Variants in DPP4 observed in about 807,000 individuals in gnomAD.
DPP4 encodes the protein ADCP-2.
A neutral mutation model predicts 122.4 loss-of-function variants in DPP4; 93 were observed. The observed-to-expected ratio is 0.76, with a 90% CI of 0.64 to 0.90. The LOEUF (loss-of-function observed/expected upper bound fraction) is 0.90. Among genes scored for constraint, DPP4 ranks in the 40% least tolerant of loss-of-function variants. DPP4 has a pLI of 0.00. For synonymous variants in DPP4, 321 were observed against 302.9 expected (o/e 1.06, Z -0.62); for missense variants, 914 against 907.3 (o/e 1.01, Z -0.09).
At chr2:162,029,030 TAAAGA>T in intron 10 of DPP4, among the ~76,000 whole-genome samples, 1 of 152,322 alleles carries the variant, frequency 6.6e-6, no homozygotes, top group Non-Finnish European at 1.5e-5. Context: ...GTTCCTCACT[TAAAGA>T]AATCTATTCC....
At chr2:162,062,114 C>CAA (rs1045197117) in intron 2 of DPP4, among the ~76,000 whole-genome samples, 9 of 80,986 alleles carry the variant, frequency 1.1e-4, no homozygotes, top group Non-Finnish European at 1.4e-4. Context: ...ACTAAAAATA[C>CAA]AAAAAAAAAA....
intron 16 of DPP4, 34 bp downstream of exon 16, chr2:162,018,695 C>T (rs1308435751): frequency 1.9e-6 from 3 of 1,605,184 alleles, no homozygotes; most frequent in Non-Finnish European, 1.7e-6. Context: ...GTAACAGCGG[C>T]GACTGCCCTC....
intron 2 of DPP4, among the ~76,000 whole-genome samples, chr2:162,064,915 G>T (rs183514918): frequency 1.3e-5 from 2 of 152,210 alleles, no homozygotes; most frequent in South Asian, 4.1e-4. Flanking sequence ...GAGCTGGCTT[G>T]ATGTCTGTCC....
intron 2 of DPP4, among the ~76,000 whole-genome samples, chr2:162,072,162 T>G (rs951656489): frequency 2.6e-5 from 4 of 152,234 alleles, no homozygotes; most frequent in African/African-American, 9.6e-5. Flanking sequence ...TTGCAGCAAC[T>G]AACGCGGTGC....
intron 2 of DPP4, among the ~76,000 whole-genome samples, chr2:162,055,289 A>C (rs1361023952): frequency 6.6e-6 from 1 of 152,220 alleles, no homozygotes; most frequent in Non-Finnish European, 1.5e-5. Flanking sequence ...TGAAGGGAAA[A>C]TATTGGACCT....
At chr2:161,995,724 G>T (rs1486110168) in intron 23 of DPP4, among the ~76,000 whole-genome samples, 1 of 152,168 alleles carries the variant, frequency 6.6e-6, no homozygotes, top group Non-Finnish European at 1.5e-5. Context: ...TGTTCCATGG[G>T]CTTCTGCTGT....
intron 14 of DPP4, 87 bp downstream of exon 14, chr2:162,020,142 T>C (rs1683068554): frequency 9.0e-7 from 1 of 1,113,314 alleles, no homozygotes. Context: ...ACTCTTTATT[T>C]GTAGGAGATT....
chr2:162,062,277 A>G (rs1242216709), intron 2 of DPP4, among the ~76,000 whole-genome samples: 1 of 152,192 alleles, frequency 6.6e-6, no homozygotes, highest in Non-Finnish European at 1.5e-5. Flanking sequence ...GCAAGACTCC[A>G]TCTCAAAATA....
In DPP4 at chr2:162,073,491, A is replaced by C; in HGVS notation, c.7-5T>G. On this transcript the variant is annotated splice_polypyrimidine_tract_variant and splice_region_variant and intron_variant, in intron 1 of 25. Transcript: ENST00000360534. ...CAGAAGAACCTTCCACGGTGTCTGC[A>C]AGCCGAGCAGATCAAGTCCAATTAG... is the stretch of plus-strand genomic sequence containing the variant. 1.2e-6 allele frequency: 2 copies of C among 1,613,690 alleles called. No homozygotes were observed. The highest frequency in any genetic ancestry group is 1.7e-6 in the Non-Finnish European group (2 of 1,179,978).
chr2:162,007,829 T>C (rs1701321347), intron 22 of DPP4, among the ~76,000 whole-genome samples: 1 of 152,160 alleles, frequency 6.6e-6, no homozygotes, highest in African/African-American at 2.4e-5. Context: ...AGAGTCTTTT[T>C]CTCTGGGTAC....
intron 4 of DPP4, 46 bp downstream of exon 4, chr2:162,046,869 A>C (rs375674677): frequency 7.0e-6 from 9 of 1,294,320 alleles, no homozygotes; most frequent in South Asian, 1.2e-5. Flanking sequence ...TAATGAAAAA[A>C]ATCCCCAGAA....
rs1700890847 is a variant in DPP4, at chr2:161,992,550, C to T, written c.*733G>A. On this transcript the variant is annotated 3_prime_UTR_variant, in exon 26 of 26. Coordinates refer to ENST00000360534, the MANE Select transcript of DPP4 (RefSeq NM_001935.4). Reference sequence around the variant, plus strand: ...GAACATCAGTATTTTTTTTTAAAAGCACATTTACAATGCTTTCCCATCACC... The same window carrying T: ...GAACATCAGTATTTTTTTTTAAAAGTACATTTACAATGCTTTCCCATCACC... 1 of 152,488 alleles carries T rather than the reference C, an allele frequency of 6.6e-6. No homozygotes were observed. Among genetic ancestry groups the T allele is most frequent in the African/African-American group, 2.4e-5 (1 of 41,400 alleles). The allele number at this position is 152,488 out of a possible 1,614,324, so 9.4% of individuals were successfully genotyped here.
At chr2:162,053,926 A>T (rs913713121) in intron 2 of DPP4, among the ~76,000 whole-genome samples, 1 of 152,088 alleles carries the variant, frequency 6.6e-6, no homozygotes, top group African/African-American at 2.4e-5. Flanking sequence ...AGGCCCCACA[A>T]CTGTAGAGTC....
intron 2 of DPP4, among the ~76,000 whole-genome samples, chr2:162,059,030 G>A (rs1684669507): frequency 6.6e-6 from 1 of 152,212 alleles, no homozygotes. Flanking sequence ...GGCAGAATAT[G>A]TATGTCTCAG....
intron 8 of DPP4, among the ~76,000 whole-genome samples, chr2:162,037,010 G>A (rs1215251535): frequency 2.0e-5 from 3 of 152,180 alleles, no homozygotes; most frequent in African/African-American, 7.2e-5. Context: ...TTACTTGTAA[G>A]TGTAATTAGC....
chr2:162,034,937 T>C (rs1683713702), intron 9 of DPP4, among the ~76,000 whole-genome samples: 1 of 152,176 alleles, frequency 6.6e-6, no homozygotes, highest in Non-Finnish European at 1.5e-5. Flanking sequence ...TTTTTTCTGC[T>C]TGTCATTCCT....
intron 2 of DPP4, among the ~76,000 whole-genome samples, chr2:162,053,924 C>A (rs1326224923): frequency 3.9e-5 from 6 of 152,120 alleles, no homozygotes; most frequent in African/African-American, 1.2e-4. Flanking sequence ...TGAGGCCCCA[C>A]AACTGTAGAG....
intron 25 of DPP4, among the ~76,000 whole-genome samples, chr2:161,994,712 C>T (rs1700954532): frequency 6.6e-6 from 1 of 152,152 alleles, no homozygotes; most frequent in Admixed American, 6.5e-5. Context: ...ATCACATGAA[C>T]AGGAGAGCAG....
At chr2:162,069,970 G>C (rs957086760) in intron 2 of DPP4, among the ~76,000 whole-genome samples, 10 of 151,980 alleles carry the variant, frequency 6.6e-5, no homozygotes, top group African/African-American at 2.2e-4. Context: ...AAAACTATTT[G>C]ACAAATAACC....
Sources: allele counts gnomAD v4.1 joint callset (sites outside exome capture counted in the v4.1 genomes callset), GRCh38; gene constraint gnomAD v4.1.1; transcripts MANE v1.5; gene names NCBI Gene and HGNC (gene_info 2026-07-23, HGNC 2026-07-21).